The following GSE1 variants were observed in gnomAD, a reference collection of about 807,000 sequenced individuals.
GSE1 encodes the protein Gse1 coiled-coil protein.
In GSE1, 32 loss-of-function variants were observed where a neutral mutation model predicts 112.6. That is an observed-to-expected ratio of 0.28 (90% CI 0.21 to 0.38). The LOEUF is 0.38. Among genes scored for constraint, GSE1 ranks in the 10% least tolerant of loss-of-function variants. The pLI is 1.00. For missense variants in GSE1, 2,348 were observed against 1,699.2 expected, an observed-to-expected ratio of 1.38 and a Z score of -6.71; for synonymous variants, 1,115 against 735.6, an observed-to-expected ratio of 1.52 and a Z score of -8.35.
chr16:85,446,857 C>T (rs539979786), intron 2 of GSE1, among the ~76,000 whole-genome samples: 10 of 152,224 alleles, frequency 6.6e-5, no homozygotes, highest in African/African-American at 1.7e-4. Flanking sequence ...TCCCAGGGCC[C>T]GCAACCCCGC....
chr16:85,247,963 C>G (rs571156729), intron 1 of GSE1, among the ~76,000 whole-genome samples: 1 of 152,212 alleles, frequency 6.6e-6, no homozygotes, highest in Non-Finnish European at 1.5e-5. Context: ...AGGAATTCCT[C>G]GGGGACAAAT....
At chr16:85,655,326 G>A (rs1012225520) in intron 5 of GSE1, among the ~76,000 whole-genome samples, 3 of 152,140 alleles carry the variant, frequency 2.0e-5, no homozygotes, top group African/African-American at 7.2e-5. Flanking sequence ...AGGAGACCTC[G>A]GTGGCACTGT....
chr16:85,316,750 G>A (rs1284619086), intron 1 of GSE1, among the ~76,000 whole-genome samples: 1 of 152,224 alleles, frequency 6.6e-6, no homozygotes, highest in Non-Finnish European at 1.5e-5. Context: ...ACCATCCACA[G>A]TGGTGCTGTG....
intron 2 of GSE1, among the ~76,000 whole-genome samples, chr16:85,359,145 G>A (rs2047012686): frequency 1.3e-5 from 2 of 152,188 alleles, no homozygotes; most frequent in South Asian, 4.1e-4. Flanking sequence ...GCTCAGGCTG[G>A]GTCCACACCC....
At chr16:85,657,194 G>A (rs1394728049) in intron 7 of GSE1, 83 bp from the exon 8 acceptor site, 1 of 957,206 alleles carries the variant, frequency 1.0e-6, no homozygotes, top group Admixed American at 2.6e-5. Context: ...TGGTTTCTCT[G>A]GGCAGTTGGG....
At chr16:85,375,030 G>A (rs564309423) in intron 2 of GSE1, among the ~76,000 whole-genome samples, 3 of 152,286 alleles carry the variant, frequency 2.0e-5, no homozygotes, top group African/African-American at 4.8e-5. Flanking sequence ...GCAGCCACTC[G>A]CTGCTGTGTG....
At chr16:85,369,992 C>T (rs1054667425) in intron 2 of GSE1, among the ~76,000 whole-genome samples, 4 of 152,174 alleles carry the variant, frequency 2.6e-5, no homozygotes, top group African/African-American at 4.8e-5. Flanking sequence ...ATGACGGAGC[C>T]CCCTTGAGAG....
At chr16:85,622,200 C>T (rs2048784265) in intron 1 of GSE1, among the ~76,000 whole-genome samples, 1 of 152,182 alleles carries the variant, frequency 6.6e-6, no homozygotes, top group Admixed American at 6.5e-5. Context: ...TGGCGCATGA[C>T]TGTTATGGGA....
chr16:85,614,660 G>A (rs1412995380), intron 1 of GSE1, among the ~76,000 whole-genome samples: 1 of 152,230 alleles, frequency 6.6e-6, no homozygotes, highest in Non-Finnish European at 1.5e-5. Flanking sequence ...CACCTGCCGG[G>A]TTCCCAGCTG....
intron 2 of GSE1, among the ~76,000 whole-genome samples, chr16:85,549,980 G>A (rs2044846969): frequency 6.6e-6 from 1 of 152,192 alleles, no homozygotes; most frequent in African/African-American, 2.4e-5. Context: ...CCCCATCAGT[G>A]GGAGCTGCTA....
intron 2 of GSE1, among the ~76,000 whole-genome samples, chr16:85,441,616 C>T (rs2049377666): frequency 6.6e-6 from 1 of 152,210 alleles, no homozygotes; most frequent in African/African-American, 2.4e-5. Flanking sequence ...CACTGCACTC[C>T]AGCCTGGGTG....
At chr16:85,245,951 G>T (rs1905612777) in intron 1 of GSE1, among the ~76,000 whole-genome samples, 1 of 151,104 alleles carries the variant, frequency 6.6e-6, no homozygotes, top group African/African-American at 2.4e-5. Context: ...TAGTTGGGGA[G>T]CAGGGCGTGT....
chr16:85,296,763 T>G (rs188760681), intron 1 of GSE1, among the ~76,000 whole-genome samples: 1 of 152,306 alleles, frequency 6.6e-6, no homozygotes, highest in Non-Finnish European at 1.5e-5. Context: ...TTTCATGTCC[T>G]AACTCCTTCC....
rs115036801 is a variant in GSE1, at chr16:85,520,137, T to C, written c.2465-113777T>C. Among the ~76,000 whole-genome samples, 945 of 152,350 alleles carry C rather than the reference T, an allele frequency of 6.2e-3. 12 individuals carry two copies. The highest frequency in any genetic ancestry group is 0.022 in the African/African-American group (915 of 41,574). ...GGCTGAAAGTCCAAGATCAAGGTGC[T>C]GGCAGATGAGGTGTTTGGTGAGGGC... On this transcript the variant is annotated intron_variant, in intron 2 of 2. Coordinates refer to the GSE1 transcript ENST00000637419.
At chr16:85,271,604 G>A (rs751708052) in intron 1 of GSE1, among the ~76,000 whole-genome samples, 6 of 152,202 alleles carry the variant, frequency 3.9e-5, no homozygotes, top group South Asian at 2.1e-4. Context: ...CTGCTGCTTC[G>A]CAGCGTGTAC....
At position 85,373,414 on chromosome 16, in the gene GSE1, G is replaced by A. The variant is rs1422460647; in HGVS notation, c.2464+15771G>A. Among the ~76,000 whole-genome samples, 2 of 152,156 alleles carry A rather than the reference G, an allele frequency of 1.3e-5. No individual in the cohort carries two copies. The highest frequency in any genetic ancestry group is 4.8e-5 in the African/African-American group (2 of 41,436). On this transcript the variant is annotated intron_variant, in intron 2 of 2. Coordinates refer to the GSE1 transcript ENST00000637419. The surrounding 1 kb of genome is among the most constrained non-coding windows in gnomAD (Gnocchi z 5.1). ...AGACAAAAAATGGAAAGAAAGCAAG[G>A]GAGGGAAGAGCAGAGGAGGGGAGGG...
At chr16:85,386,991 C>T (rs2047702252) in intron 2 of GSE1, among the ~76,000 whole-genome samples, 2 of 152,190 alleles carry the variant, frequency 1.3e-5, no homozygotes, top group African/African-American at 4.8e-5. Context: ...CAGCATCACA[C>T]AGGGTCTTCT....
intron 1 of GSE1, among the ~76,000 whole-genome samples, chr16:85,575,375 G>A (rs2046186537): frequency 1.3e-5 from 2 of 152,178 alleles, no homozygotes; most frequent in African/African-American, 4.8e-5. Context: ...TGGTTCCGGA[G>A]ATTATTTCAT....
Position 85,654,866 on chromosome 16 carries a change from C to T in GSE1, c.672C>T (p.Pro224=), listed in dbSNP as rs775712616. ...VTEDYLRSFR[P]YHTTDDLRMS... ...AGGACTACCTGAGAAGCTTCCGGCC[C>T]TACCACACCACCGACGACCTCCGCA... The change falls in exon 5 of 16, where the codon CCC becomes CCT. Residue 224 remains proline (P), a synonymous_variant. Transcript: ENST00000253458. 1.9e-6 allele frequency: 3 copies of T among 1,611,936 alleles called. No individual in the cohort carries two copies. Among genetic ancestry groups the T allele is most frequent in the Non-Finnish European group, 2.5e-6 (3 of 1,179,450 alleles).
Sources: gnomAD v4.1 joint callset for allele counts (sites outside exome capture counted in the v4.1 genomes callset) on GRCh38, gnomAD v4.1.1 for gene constraint, Gnocchi (gnomAD v3.1) non-coding constraint, MANE v1.5 for transcripts, NCBI Gene and HGNC (gene_info 2026-07-23, HGNC 2026-07-21) for gene names.